The following DIS3 variants were observed in gnomAD, a reference collection of about 807,000 sequenced individuals.
The protein encoded by DIS3 is exosome complex exonuclease RRP44.
DIS3 carries 103 observed loss-of-function variants against 113.0 expected under a neutral mutation model. That is an observed-to-expected ratio of 0.91 (90% CI 0.78 to 1.07). The LOEUF is 1.07. DIS3 is among the 50% of genes least tolerant of loss of function. The pLI, the probability that DIS3 is intolerant of heterozygous loss-of-function variation, is 0.00. For missense variants in DIS3, 1,121 were observed against 1,167.1 expected (o/e 0.96, Z 0.58); for synonymous variants, 402 against 394.3 (o/e 1.02, Z -0.23).
chr13:72,777,433 A>G lies in DIS3; in HGVS notation c.641T>C (p.Leu214Ser). The change falls in exon 4 of 21, where the codon TTG (leucine) becomes TCG (serine). Residue 214 changes from leucine to serine, a missense_variant. Coordinates refer to ENST00000377767, the MANE Select transcript of DIS3 (RefSeq NM_014953.5). ...ACAAAAACATACCCCTTCTTCAGAC[A>G]AACAAGCAAGACGATCTATGAGTTC... The part of the protein sequence containing the change: ...NPELIDRLAC[L>S]SEEGNEIESG... 1 of 1,614,130 alleles carries G rather than the reference A, an allele frequency of 6.2e-7. No homozygotes were observed. Among genetic ancestry groups the G allele is most frequent in the Non-Finnish European group, 8.5e-7 (1 of 1,179,984 alleles).
At chr13:72,767,214 T>C (rs2033770671) in intron 14 of DIS3, among the ~76,000 whole-genome samples, 1 of 152,116 alleles carries the variant, frequency 6.6e-6, no homozygotes. Context: ...TTCAATGATG[T>C]TTTCCCAGGA....
At chr13:72,772,404 A>G (rs1566247145) in intron 9 of DIS3, 129 bp from the exon 10 acceptor site, 1 of 769,240 alleles carries the variant, frequency 1.3e-6, no homozygotes, top group Non-Finnish European at 2.0e-6. Context: ...TGACAACCAC[A>G]TTTCTTTTTC....
At chr13:72,769,912 T>C (rs1463582931) in intron 13 of DIS3, among the ~76,000 whole-genome samples, 3 of 152,080 alleles carry the variant, frequency 2.0e-5, no homozygotes, top group African/African-American at 7.2e-5. Flanking sequence ...TGAAGAAAGA[T>C]GTAGGGCAAA....
chr13:72,765,842 C>A (rs2033731821), intron 15 of DIS3, 130 bp downstream of exon 15: 2 of 662,484 alleles, frequency 3.0e-6, no homozygotes, highest in Non-Finnish European at 4.5e-6. Context: ...CCTTTGCAAG[C>A]CAAATAAAGT....
chr13:72,766,039 G>T lies in DIS3; in HGVS notation c.1903C>A (p.Pro635Thr). ...IEKGALTLSS[P>T]EVRFHMDSET... is the part of the protein sequence containing the mutation. Reference sequence around the variant, plus strand: ...CTGTCCATGTGGAATCGAACTTCAGGAGAGGATAGAGTCAAAGCCCTACAT... The same window carrying T: ...CTGTCCATGTGGAATCGAACTTCAGTAGAGGATAGAGTCAAAGCCCTACAT... Residue 635 changes from proline to threonine, a missense_variant, in exon 15 of 21, where the codon CCT becomes ACT. Physicochemically the swap from Pro to Thr is conservative, Grantham distance 38 (BLOSUM62 -1). Coordinates refer to ENST00000377767, the MANE Select transcript of DIS3 (RefSeq NM_014953.5). 1 of 1,611,026 alleles carries T rather than the reference G, an allele frequency of 6.2e-7. No individual in the cohort carries two copies. Among genetic ancestry groups the T allele is most frequent in the South Asian group, 1.1e-5 (1 of 90,358 alleles).
rs558560124 is a variant in DIS3 at position 72,756,265 on chromosome 13, C to T, written c.*3530G>A. The T allele has an allele frequency of 1.2e-4, 26 of 216,846 alleles. No homozygotes were observed. Among genetic ancestry groups the T allele is most frequent in the African/African-American group, 4.8e-4 (21 of 43,842 alleles). The allele number at this position is 216,846 out of a possible 1,614,324, so 13.4% of individuals were successfully genotyped here. A position where few individuals can be genotyped will look rare whatever the true frequency, so the allele number is the denominator to read the frequency against. ...TACTGCTGACCTGCAGAAAATGTGC[C>T]GCGTTATGTACCTGGCTCATCTTCA... is the stretch of plus-strand genomic sequence containing the variant. On this transcript the variant is annotated 3_prime_UTR_variant, in exon 21 of 21. Coordinates refer to ENST00000377767, the MANE Select transcript of DIS3 (RefSeq NM_014953.5).
intron 15 of DIS3, 107 bp downstream of exon 15, chr13:72,765,865 C>T: frequency 2.7e-6 from 2 of 752,998 alleles, no homozygotes; most frequent in Non-Finnish European, 3.9e-6. Context: ...AAATCATGAC[C>T]CTAATCATTA....
chr13:72,773,352 A>G (rs968428046), intron 8 of DIS3, among the ~76,000 whole-genome samples: 15 of 151,982 alleles, frequency 9.9e-5, no homozygotes, highest in African/African-American at 3.4e-4. Flanking sequence ...GTCCCAGCTA[A>G]TCGGGAGGCT....
rs907552353 is a variant in DIS3, at chr13:72,781,868, G to A, written c.-36C>T. On this transcript the variant is annotated 5_prime_UTR_variant, in exon 1 of 21. Transcript: ENST00000377767. Reference sequence around the variant, plus strand: ...CGCGCAGAATCCTAACCCCAGCAGCGCTCTTCCAGCAAAAGGCGTCAATCT... The same window carrying A: ...CGCGCAGAATCCTAACCCCAGCAGCACTCTTCCAGCAAAAGGCGTCAATCT... 7 of 1,493,038 alleles carry A rather than the reference G, an allele frequency of 4.7e-6. No homozygotes were observed. The highest frequency in any genetic ancestry group is 6.3e-6 in the Non-Finnish European group (7 of 1,113,124). The allele number at this position is 1,493,038 out of a possible 1,614,324, so 92.5% of individuals were successfully genotyped here. A position where few individuals can be genotyped will look rare whatever the true frequency, so the allele number is the denominator to read the frequency against.
chr13:72,763,035 G>A (rs2033663672), intron 16 of DIS3, among the ~76,000 whole-genome samples: 1 of 152,106 alleles, frequency 6.6e-6, no homozygotes, highest in Non-Finnish European at 1.5e-5. Flanking sequence ...GCTCACACCT[G>A]TAATCCCAGC....
In DIS3 at chr13:72,772,094, G is replaced by C. The variant is rs1160080890; in HGVS notation, c.1503+65C>G. 2.1e-6 allele frequency: 3 copies of C among 1,405,806 alleles called. No homozygotes were observed. In the Admixed American group the frequency reaches 5.8e-5, roughly 27 times the overall value. 87.1% of individuals were successfully genotyped at this position (1,405,806 alleles called of 1,614,324 possible). A position where few individuals can be genotyped will look rare whatever the true frequency, so the allele number is the denominator to read the frequency against. ...TAATTAACAAGCAAATTCTATTCTAGTTCAAAAGAAAATGAACTCAGAACA... is the reference window on the plus strand; with the variant it reads ...TAATTAACAAGCAAATTCTATTCTACTTCAAAAGAAAATGAACTCAGAACA... On this transcript the variant is annotated intron_variant, in intron 10 of 20. Coordinates refer to ENST00000377767, the MANE Select transcript of DIS3 (RefSeq NM_014953.5).
chr13:72,779,722 A>C (rs1416872825), intron 2 of DIS3, among the ~76,000 whole-genome samples: 1 of 110,686 alleles, frequency 9.0e-6, no homozygotes, highest in East Asian at 2.8e-4. Context: ...TTCACCCCTC[A>C]GGGCATTTTG....
At chr13:72,781,113 G>A (rs2034192212) in intron 1 of DIS3, 110 bp from the exon 2 acceptor site, 1 of 1,361,562 alleles carries the variant, frequency 7.3e-7, no homozygotes, top group South Asian at 1.4e-5. Flanking sequence ...TAAAAACACT[G>A]AATAAGTTAA....
In DIS3 at chr13:72,781,602, C is replaced by CA; in HGVS notation, c.228+2dup. 1 of 1,506,572 alleles carries CA rather than the reference C, an allele frequency of 6.6e-7. No homozygotes were observed. The highest frequency in any genetic ancestry group is 1.3e-5 in the South Asian group (1 of 78,928). The allele number at this position is 1,506,572 out of a possible 1,614,324, so 93.3% of individuals were successfully genotyped here. A position where few individuals can be genotyped will look rare whatever the true frequency, so the allele number is the denominator to read the frequency against. On this transcript the variant is annotated splice_region_variant and intron_variant, in intron 1 of 20. Coordinates refer to ENST00000377767, the MANE Select transcript of DIS3 (RefSeq NM_014953.5). ...GCTGTCCGCGGTTCGCCCGCCCACG[C>CA]ACCTGGTGCAGTAACACATTAGTGT...
chr13:72,771,143 C>A lies in DIS3; in HGVS notation c.1608G>T (p.Arg536Ser). The change falls in exon 12 of 21, where the codon AGG becomes AGT. Residue 536 changes from arginine (R) to serine (S), a missense_variant and splice_region_variant. Physicochemically the swap from Arg to Ser is moderately radical, Grantham distance 110. Transcript: ENST00000377767. ...RGTTVYLCEK[R>S]IDMVPELLSS... The stretch of plus-strand genomic sequence containing the variant: ...TAAGCAACTCTGGAACCATGTCAAT[C>A]CTCTGCAAAAGATAAAAATAGAACC... 3.7e-6 allele frequency: 6 copies of A among 1,613,018 alleles called. No homozygotes were observed. Among genetic ancestry groups the A allele is most frequent in the Non-Finnish European group, 5.1e-6 (6 of 1,179,330 alleles).
intron 13 of DIS3, 114 bp downstream of exon 13, chr13:72,770,790 T>C: frequency 2.2e-6 from 1 of 460,420 alleles, no homozygotes; most frequent in Non-Finnish European, 3.6e-6. Context: ...TATATAAATA[T>C]TTTTATATAT....
chr13:72,768,998 A>T lies in DIS3; in HGVS notation c.1756-86T>A, dbSNP rs1171082250. 16 of 837,890 alleles carry T rather than the reference A, an allele frequency of 1.9e-5. No homozygotes were observed. The East Asian group carries it at 4.3e-4, about 22-fold the overall frequency. 51.9% of individuals were successfully genotyped at this position (837,890 alleles called of 1,614,324 possible). ...TGTCCTCCTACTTTCACTACATAAA[A>T]TCCATGATTTCAGAAAACCTAAAAT... is the stretch of plus-strand genomic sequence containing the variant. On this transcript the variant is annotated intron_variant, in intron 13 of 20. Coordinates refer to ENST00000377767, the MANE Select transcript of DIS3 (RefSeq NM_014953.5).
chr13:72,772,852 G>T lies in DIS3; in HGVS notation c.1240-13C>A. On this transcript the variant is annotated splice_polypyrimidine_tract_variant and intron_variant, in intron 8 of 20. Coordinates refer to ENST00000377767, the MANE Select transcript of DIS3 (RefSeq NM_014953.5). Reference sequence around the variant, plus strand: ...TCACAAAGTGTCCCTGAAACCAAGAGGCATTATTAGAAACGCCTATTTTAT... The same window carrying T: ...TCACAAAGTGTCCCTGAAACCAAGATGCATTATTAGAAACGCCTATTTTAT... 1 of 1,570,430 alleles carries T rather than the reference G, an allele frequency of 6.4e-7. No homozygotes were observed. The highest frequency in any genetic ancestry group is 2.0e-5 in the Admixed American group (1 of 49,688).
At chr13:72,760,872 T>C (rs995703377) in intron 19 of DIS3, among the ~76,000 whole-genome samples, 7 of 152,112 alleles carry the variant, frequency 4.6e-5, no homozygotes, top group Non-Finnish European at 7.4e-5. Flanking sequence ...AATATATATG[T>C]TCATTAAATT....
Sources: gnomAD v4.1 joint callset for allele counts (sites outside exome capture counted in the v4.1 genomes callset) on GRCh38, gnomAD v4.1.1 for gene constraint, MANE v1.5 for transcripts, NCBI Gene and HGNC (gene_info 2026-07-23, HGNC 2026-07-21) for gene names.